The following KLHL1 variants were observed in gnomAD, a reference collection of about 807,000 sequenced individuals.
KLHL1 encodes kelch-like protein 1.
In KLHL1, 47 loss-of-function variants were observed where a neutral mutation model predicts 77.7. The ratio of observed to expected loss-of-function variants is 0.60; its 90% CI spans 0.48 to 0.77. KLHL1 has a LOEUF of 0.77. KLHL1 is among the 30% of genes least tolerant of loss of function. The probability of loss-of-function intolerance (pLI) is 0.00; values close to 1 mark genes in which losing one functional copy is unlikely to be tolerated. For missense variants in KLHL1, 925 were observed against 910.8 expected, an observed-to-expected ratio of 1.02 and a Z score of -0.20; for synonymous variants, 360 against 325.2, an observed-to-expected ratio of 1.11 and a Z score of -1.15.
At chr13:69,895,780 C>T (rs531542550) in intron 4 of KLHL1, among the ~76,000 whole-genome samples, 18 of 149,364 alleles carry the variant, frequency 1.2e-4, no homozygotes, top group African/African-American at 4.4e-4. Context: ...GGTCTCGGCT[C>T]ACTGCAGCTA....
chr13:69,880,522 T>C (rs1050932153), intron 5 of KLHL1, among the ~76,000 whole-genome samples: 1 of 152,132 alleles, frequency 6.6e-6, no homozygotes, highest in Non-Finnish European at 1.5e-5. Flanking sequence ...ATATTTTATA[T>C]CTTAATTTTA....
chr13:69,971,318 CATT>C (rs951964592), intron 2 of KLHL1, among the ~76,000 whole-genome samples: 11 of 152,090 alleles, frequency 7.2e-5, no homozygotes, highest in South Asian at 6.2e-4. Flanking sequence ...TCATCATCAT[CATT>C]ATCATTGACT....
intron 1 of KLHL1, among the ~76,000 whole-genome samples, chr13:70,074,793 A>C (rs1476443955): frequency 2.0e-5 from 3 of 152,042 alleles, no homozygotes; most frequent in African/African-American, 7.3e-5. Flanking sequence ...ATAAAGCAAT[A>C]AATTAAAATA....
At position 70,107,544 on chromosome 13, in the gene KLHL1, G is replaced by T. The variant is rs1005673658; in HGVS notation, c.156C>A (p.Ser52Arg). The part of the protein sequence containing the change: ...GSGSFEHWGP[S>R]QSRLLKSQER... ...CTTGGCTTTTGAGCAGGCGACTCTGGCTGGGTCCCCAGTGCTCAAAGCTGC... is the reference window on the plus strand; with the variant it reads ...CTTGGCTTTTGAGCAGGCGACTCTGTCTGGGTCCCCAGTGCTCAAAGCTGC... Residue 52 changes from serine (S) to arginine (R), a missense_variant, in exon 1 of 11, where the codon AGC (serine) becomes AGA (arginine). Physicochemically the swap from Ser to Arg is moderately radical, Grantham distance 110. Coordinates refer to ENST00000377844, the MANE Select transcript of KLHL1 (RefSeq NM_020866.3). 6.2e-7 allele frequency: 1 copy of T among 1,609,468 alleles called. No homozygotes were observed. The highest frequency in any genetic ancestry group is 8.5e-7 in the Non-Finnish European group (1 of 1,177,478).
intron 10 of KLHL1, among the ~76,000 whole-genome samples, chr13:69,703,389 T>C (rs1875486527): frequency 6.6e-6 from 1 of 151,536 alleles, no homozygotes; most frequent in African/African-American, 2.4e-5. Flanking sequence ...GTTTGTGCTT[T>C]AATGTAACTA....
At chr13:70,099,968 A>G (rs1887885497) in intron 1 of KLHL1, among the ~76,000 whole-genome samples, 2 of 152,080 alleles carry the variant, frequency 1.3e-5, no homozygotes, top group South Asian at 4.1e-4. Flanking sequence ...GGAAATCAGG[A>G]ATGTTAGTTC....
chr13:69,787,888 C>CA (rs1336215519), intron 7 of KLHL1, among the ~76,000 whole-genome samples: 1 of 152,014 alleles, frequency 6.6e-6, no homozygotes, highest in East Asian at 1.9e-4. Flanking sequence ...TTTATGCAGC[C>CA]AAAAAACACA....
chr13:69,999,836 C>G (rs1885243873), intron 1 of KLHL1, among the ~76,000 whole-genome samples: 1 of 152,056 alleles, frequency 6.6e-6, no homozygotes, highest in Admixed American at 6.6e-5. Context: ...GCATTATTAA[C>G]CCAGGTCACT....
At chr13:69,963,828 A>G (rs995932044) in intron 2 of KLHL1, among the ~76,000 whole-genome samples, 5 of 152,030 alleles carry the variant, frequency 3.3e-5, no homozygotes, top group Non-Finnish European at 7.4e-5. Flanking sequence ...TCAATATTGG[A>G]AGAAATATCT....
chr13:70,010,886 C>T (rs2472282), intron 1 of KLHL1, among the ~76,000 whole-genome samples: 18,406 of 148,060 alleles, frequency 0.12, 2,095 homozygotes, highest in African/African-American at 0.31. Flanking sequence ...AAGTGAAACT[C>T]CGTCTCAAAA....
chr13:70,002,402 GA>G (rs1484961630), intron 1 of KLHL1, among the ~76,000 whole-genome samples: 1 of 151,086 alleles, frequency 6.6e-6, no homozygotes, highest in Non-Finnish European at 1.5e-5. Flanking sequence ...TAAGGGCCAG[GA>G]AAAAATAGGA....
chr13:69,983,739 G>A lies in KLHL1; in HGVS notation c.498-7937C>T, dbSNP rs114296526. 6.3e-3 allele frequency among the ~76,000 whole-genome samples: 958 copies of A among 151,926 alleles called. 7 individuals carry two copies. The highest frequency in any genetic ancestry group is 0.022 in the African/African-American group (898 of 41,406). ...CCTGTACTCACATCACTGCACTCTAGCCTTGGTGACACAGCAAGCCCCTAT... is the reference window on the plus strand; with the variant it reads ...CCTGTACTCACATCACTGCACTCTAACCTTGGTGACACAGCAAGCCCCTAT... On this transcript the variant is annotated intron_variant, in intron 1 of 10. Transcript: ENST00000377844.
chr13:69,923,443 G>T (rs1446405069), intron 4 of KLHL1, among the ~76,000 whole-genome samples: 1 of 152,042 alleles, frequency 6.6e-6, no homozygotes. Flanking sequence ...TCTTGAAATT[G>T]CAGGGAAAGC....
In KLHL1 at chr13:69,725,943, T is replaced by C. The variant is rs536371730; in HGVS notation, c.1803-6362A>G. 1.0e-3 allele frequency among the ~76,000 whole-genome samples: 153 copies of C among 152,264 alleles called. 2 individuals are homozygous for C. The highest frequency in any genetic ancestry group is 2.6e-3 in the Admixed American group (39 of 15,268). On this transcript the variant is annotated intron_variant, in intron 8 of 10. Coordinates refer to ENST00000377844, the MANE Select transcript of KLHL1 (RefSeq NM_020866.3). ...TACTTTATCATAGGTAGCTTTTCAT[T>C]ACATATGCAGGGTTATGTCTACTCA...
intron 6 of KLHL1, among the ~76,000 whole-genome samples, chr13:69,815,533 A>G (rs1878084258): frequency 6.6e-6 from 1 of 152,208 alleles, no homozygotes; most frequent in Non-Finnish European, 1.5e-5. Context: ...AATGGAAACA[A>G]GTAACACTGG....
At chr13:69,786,991 T>G (rs1423109136) in intron 7 of KLHL1, among the ~76,000 whole-genome samples, 1 of 152,070 alleles carries the variant, frequency 6.6e-6, no homozygotes, top group Non-Finnish European at 1.5e-5. Context: ...AAACAAACAC[T>G]GCTCAATGAA....
At chr13:69,761,537 A>G (rs1456979563) in intron 7 of KLHL1, among the ~76,000 whole-genome samples, 4 of 152,166 alleles carry the variant, frequency 2.6e-5, no homozygotes, top group African/African-American at 9.7e-5. Context: ...AACAGTATAT[A>G]TAAGGTTGGT....
chr13:69,712,301 C>G (rs1308104856), intron 9 of KLHL1, among the ~76,000 whole-genome samples: 1 of 151,208 alleles, frequency 6.6e-6, no homozygotes, highest in Non-Finnish European at 1.5e-5. Flanking sequence ...TGTATTCTAA[C>G]AGCTTTATTG....
At chr13:69,952,087 C>G (rs1490760161) in intron 3 of KLHL1, among the ~76,000 whole-genome samples, 1 of 151,320 alleles carries the variant, frequency 6.6e-6, no homozygotes, top group African/African-American at 2.4e-5. Context: ...GGTTTGATTA[C>G]AAGGTTCTAA....
Sources: gnomAD v4.1 joint callset for allele counts (sites outside exome capture counted in the v4.1 genomes callset) on GRCh38, gnomAD v4.1.1 for gene constraint, MANE v1.5 for transcripts, NCBI Gene and HGNC (gene_info 2026-07-23, HGNC 2026-07-21) for gene names.